IST1: variants seen among roughly 807,000 people sequenced by gnomAD.
The protein encoded by IST1 is IST1 factor associated with ESCRT-III.
In IST1, 23 loss-of-function variants were observed where a neutral mutation model predicts 37.0. That is an observed-to-expected ratio of 0.62 (90% confidence interval 0.45 to 0.88). IST1 has a LOEUF of 0.88. Among genes scored for constraint, IST1 ranks in the 40% least tolerant of loss-of-function variants. The pLI is 0.00. For synonymous variants in IST1, 180 were observed against 161.7 expected (o/e 1.11, Z -0.86); for missense variants, 488 against 445.4 (o/e 1.10, Z -0.86).
intron 1 of IST1, among the ~76,000 whole-genome samples, chr16:71,905,693 T>C (rs942335284): frequency 1.1e-4 from 16 of 152,236 alleles, no homozygotes; most frequent in African/African-American, 3.1e-4. Flanking sequence ...CTTGTTTTCA[T>C]AGGCTACTTC....
intron 1 of IST1, among the ~76,000 whole-genome samples, chr16:71,909,653 A>G (rs61523290): frequency 0.14 from 20,832 of 152,260 alleles, 1,771 homozygotes; most frequent in South Asian, 0.38. Flanking sequence ...TTGAAAGTCT[A>G]CTTCTAATTT....
At chr16:71,921,641 C>T (rs905068018) in intron 6 of IST1, 188 bp downstream of exon 6, 2 of 528,862 alleles carry the variant, frequency 3.8e-6, no homozygotes, top group Middle Eastern at 4.7e-4. Flanking sequence ...TGAATGACAA[C>T]ACTTTGAGAA....
At chr16:71,894,813 C>T (rs548634030), upstream of IST1, 268 of 1,533,370 alleles carry the variant, frequency 1.7e-4, no homozygotes, top group East Asian at 2.9e-3. Flanking sequence ...GGGAAGGTCC[C>T]TTCCAGGCTT....
intron 1 of IST1, among the ~76,000 whole-genome samples, chr16:71,901,966 A>G (rs2037118987): frequency 6.6e-6 from 1 of 152,226 alleles, no homozygotes; most frequent in Admixed American, 6.5e-5. Flanking sequence ...CATGCCTTAA[A>G]CATCTTATTT....
chr16:71,900,160 C>T (rs1197199544), intron 1 of IST1, among the ~76,000 whole-genome samples: 38 of 116,482 alleles, frequency 3.3e-4, no homozygotes, highest in African/African-American at 1.1e-3. Flanking sequence ...GAGTGAAACT[C>T]GGTCTCAAAA....
intron 1 of IST1, among the ~76,000 whole-genome samples, chr16:71,897,874 G>A (rs1408678065): frequency 6.6e-6 from 1 of 152,282 alleles, no homozygotes; most frequent in East Asian, 1.9e-4. Context: ...GCTCGAACCC[G>A]AGAGGCGGAG....
At chr16:71,927,078 G>A (rs189636859) in intron 9 of IST1, among the ~76,000 whole-genome samples, 23 of 152,262 alleles carry the variant, frequency 1.5e-4, no homozygotes, top group Non-Finnish European at 3.4e-4. Context: ...CTGTGGATGT[G>A]GCCCCATGTA....
Position 71,921,362 on chromosome 16 carries a change from T to G in IST1, c.461T>G (p.Val154Gly). The change falls in exon 6 of 10, where the codon GTG becomes GGG. Residue 154 changes from valine to glycine, a missense_variant. Coordinates refer to ENST00000378799, the MANE Select transcript of IST1 (RefSeq NM_001270975.2). ...VNDRLMHKLSVEAPPKILVER... is the reference protein window; with the variant it reads ...VNDRLMHKLSGEAPPKILVER... ...TTACAGCTAATGCACAAGCTGAGTG[T>G]GGAAGCCCCACCCAAAATCCTGGTG... 6.2e-7 allele frequency: 1 copy of G among 1,612,260 alleles called. No homozygotes were observed. Among genetic ancestry groups the G allele is most frequent in the Non-Finnish European group, 8.5e-7 (1 of 1,178,894 alleles).
At chr16:71,926,960 A>G (rs1325484377) in intron 9 of IST1, among the ~76,000 whole-genome samples, 1 of 152,070 alleles carries the variant, frequency 6.6e-6, no homozygotes, top group African/African-American at 2.4e-5. Context: ...ATCCCTAAAG[A>G]ATGTTGGTTC....
chr16:71,929,638 G>T lies in IST1; in HGVS notation c.*1825G>T. The T allele has an allele frequency of 6.4e-7, 1 of 1,551,782 alleles. No homozygotes were observed. The highest frequency in any genetic ancestry group is 8.7e-7 in the Non-Finnish European group (1 of 1,146,878). On this transcript the variant is annotated 3_prime_UTR_variant, in exon 10 of 10. Coordinates refer to ENST00000378799, the MANE Select transcript of IST1 (RefSeq NM_001270975.2). ...GGGCCAACTGATTCCTAACAAATTTGAGAGCTTCTGTAGCAGTGTATCTAT... is the reference window on the plus strand; with the variant it reads ...GGGCCAACTGATTCCTAACAAATTTTAGAGCTTCTGTAGCAGTGTATCTAT...
chr16:71,924,062 C>T (rs974743134), intron 8 of IST1: 8 of 450,378 alleles, frequency 1.8e-5, no homozygotes, highest in African/African-American at 1.6e-4. Context: ...AGCTTGCTTT[C>T]TGTTCTTTCC....
Position 71,929,156 on chromosome 16 carries a change from G to GC in IST1, c.*1346dup, listed in dbSNP as rs2037826299. 1 of 181,316 alleles carries GC rather than the reference G, an allele frequency of 5.5e-6. No homozygotes were observed. The highest frequency in any genetic ancestry group is 1.2e-4 in the South Asian group (1 of 8,636). The allele number at this position is 181,316 out of a possible 1,614,324, so 11.2% of individuals were successfully genotyped here. A position where few individuals can be genotyped will look rare whatever the true frequency, so the allele number is the denominator to read the frequency against. On this transcript the variant is annotated 3_prime_UTR_variant, in exon 10 of 10. Coordinates refer to ENST00000378799, the MANE Select transcript of IST1 (RefSeq NM_001270975.2). ...TCATTTTGATCTCTGTATTTAGATAGCCCAGATAGCATCTGTGAATTTCCT... is the reference window on the plus strand; with the variant it reads ...TCATTTTGATCTCTGTATTTAGATAGCCCCAGATAGCATCTGTGAATTTCCT...
intron 1 of IST1, among the ~76,000 whole-genome samples, chr16:71,905,319 C>T (rs1168965857): frequency 2.0e-5 from 3 of 151,370 alleles, no homozygotes; most frequent in African/African-American, 7.3e-5. Flanking sequence ...TGGGCATGAG[C>T]CACCATGCCT....
intron 8 of IST1, 56 bp downstream of exon 8, chr16:71,923,436 A>T: frequency 1.8e-6 from 2 of 1,127,062 alleles, no homozygotes; most frequent in Non-Finnish European, 2.7e-6. Context: ...ATGAAGAGCG[A>T]GCAAAATAAT....
intron 1 of IST1, among the ~76,000 whole-genome samples, chr16:71,902,252 A>G (rs1304213640): frequency 6.6e-6 from 1 of 152,048 alleles, no homozygotes; most frequent in Non-Finnish European, 1.5e-5. Context: ...TTCTTTGGGA[A>G]TGGTTCTTAA....
intron 7 of IST1, chr16:71,922,904 T>G: frequency 5.1e-6 from 3 of 587,074 alleles, no homozygotes; most frequent in Non-Finnish European, 9.0e-6. Flanking sequence ...AAAAACACTT[T>G]TCATATAGGT....
intron 7 of IST1, among the ~76,000 whole-genome samples, chr16:71,923,085 A>G (rs1567473363): frequency 6.6e-6 from 1 of 152,238 alleles, no homozygotes; most frequent in Non-Finnish European, 1.5e-5. Flanking sequence ...TTGATTCAAT[A>G]AAGAATAGCC....
At chr16:71,918,601 A>G (rs552405551) in intron 4 of IST1, among the ~76,000 whole-genome samples, 18 of 152,120 alleles carry the variant, frequency 1.2e-4, no homozygotes, top group Admixed American at 7.2e-4. Context: ...TATTTTTGGT[A>G]GAGACGGGAT....
rs1414626627 is a variant in IST1, at chr16:71,921,619, TAAGG to T, written c.552+169_552+172del. 7.1e-6 allele frequency: 4 copies of T among 563,064 alleles called. No homozygotes were observed. In the Admixed American group the frequency reaches 9.1e-5, roughly 13 times the overall value. 34.9% of individuals were successfully genotyped at this position (563,064 alleles called of 1,614,324 possible). ...GTGCCTGCATATCTCACAGGGTACT[TAAGG>T]AATTAGATGAATGACAACACTTTGA... On this transcript the variant is annotated intron_variant, in intron 6 of 9. Transcript: ENST00000378799.
Sources: allele counts gnomAD v4.1 joint callset (sites outside exome capture counted in the v4.1 genomes callset), GRCh38; gene constraint gnomAD v4.1.1; transcripts MANE v1.5; gene names NCBI Gene and HGNC (gene_info 2026-07-23, HGNC 2026-07-21).